Variants in VSTM2A observed in about 807,000 individuals in gnomAD.
VSTM2A encodes V-set and transmembrane domain-containing protein 2A.
Under a neutral mutation model 27.3 loss-of-function variants are expected in VSTM2A, and 13 were observed. The observed-to-expected ratio is 0.48, with a 90% CI of 0.31 to 0.76. The LOEUF (loss-of-function observed/expected upper bound fraction) is 0.76. Ranked by LOEUF, VSTM2A falls within the 30% of genes least tolerant of loss-of-function variation. VSTM2A has a pLI of 0.05. For synonymous variants in VSTM2A, 142 were observed against 125.7 expected, an observed-to-expected ratio of 1.13 and a Z score of -0.87; for missense variants, 280 against 310.0, an observed-to-expected ratio of 0.90 and a Z score of 0.73.
chr7:54,549,892 A>G lies in VSTM2A; in HGVS notation c.356A>G (p.Lys119Arg). The change falls in exon 4 of 5, where the codon AAA becomes AGA. Residue 119 changes from lysine to arginine, a missense_variant. Physicochemically the swap from Lys to Arg is conservative, Grantham distance 26. Coordinates refer to ENST00000402613, the MANE Select transcript of VSTM2A (RefSeq NM_001301009.2). ...AAGCTTCAGATTTCCAAAGTGAGGA[A>G]AAAGGATGAAGGCTTATATGAGTGC... ...SHKLQISKVR[K>R]KDEGLYECRV... The G allele has an allele frequency of 1.2e-6, 2 of 1,612,850 alleles. No individual in the cohort carries two copies. The highest frequency in any genetic ancestry group is 2.2e-5 in the South Asian group (2 of 90,728).
chr7:54,563,707 G>A (rs1054559765), intron 4 of VSTM2A, among the ~76,000 whole-genome samples: 1 of 152,072 alleles, frequency 6.6e-6, no homozygotes, highest in African/African-American at 2.4e-5. Context: ...CCTCAGCTAC[G>A]GTAAGAGCCC....
At chr7:54,551,565 A>T (rs1372972165) in intron 4 of VSTM2A, 1 of 152,210 alleles carries the variant, frequency 6.6e-6, no homozygotes, top group Non-Finnish European at 1.5e-5. Context: ...ATTAAAGGAC[A>T]AACTAGTATA....
Position 54,542,627 on chromosome 7 carries a change from C to A in VSTM2A, c.-104C>A. On this transcript the variant is annotated 5_prime_UTR_variant, in exon 1 of 5. It introduces an in-frame stop codon into an upstream open reading frame of the 5' UTR. Coordinates refer to ENST00000402613, the MANE Select transcript of VSTM2A (RefSeq NM_001301009.2). ...GCAAGCAGCAGGATGTTTGCAGTGT[C>A]GCGCCCAGGGCTCTGAGACTGAGCC... The A allele has an allele frequency of 1.0e-6, 1 of 996,472 alleles. No individual in the cohort carries two copies. The highest frequency in any genetic ancestry group is 1.5e-6 in the Non-Finnish European group (1 of 646,884). 61.7% of individuals were successfully genotyped at this position (996,472 alleles called of 1,614,324 possible). A position where few individuals can be genotyped will look rare whatever the true frequency, so the allele number is the denominator to read the frequency against.
At chr7:54,550,624 C>G (rs1788159567) in intron 4 of VSTM2A, 1 of 170,296 alleles carries the variant, frequency 5.9e-6, no homozygotes, top group Non-Finnish European at 1.2e-5. Context: ...GGACTATTCT[C>G]CAAGGGCTTT....
At chr7:54,542,842 C>CCA in intron 1 of VSTM2A, 33 bp downstream of exon 1, 1 of 1,590,810 alleles carries the variant, frequency 6.3e-7, no homozygotes, top group Non-Finnish European at 8.6e-7. Flanking sequence ...TATACATTTG[C>CCA]TTGCGTGTGT....
chr7:54,562,642 C>T (rs1788598111), intron 4 of VSTM2A, among the ~76,000 whole-genome samples: 1 of 152,154 alleles, frequency 6.6e-6, no homozygotes, highest in African/African-American at 2.4e-5. Context: ...TAATTCAGGG[C>T]AAGCTGTCCT....
In VSTM2A at chr7:54,569,353, T is replaced by TAGCTATCA; in HGVS notation, c.*134_*135insAGCTATCA. On this transcript the variant is annotated 3_prime_UTR_variant, in exon 5 of 5. Transcript: ENST00000402613. The stretch of plus-strand genomic sequence containing the variant: ...ATTAACGTGAAGTGATAGAACGTTT[T>TAGCTATCA]CTAATAGCAAGATCTATTTTTTCCC... The TAGCTATCA allele has an allele frequency of 7.1e-7, 1 of 1,417,938 alleles. No homozygotes were observed. The highest frequency in any genetic ancestry group is 2.6e-5 in the Admixed American group (1 of 38,468). The allele number at this position is 1,417,938 out of a possible 1,614,324, so 87.8% of individuals were successfully genotyped here.
chr7:54,553,166 C>G (rs1174052748), intron 4 of VSTM2A, among the ~76,000 whole-genome samples: 3 of 152,184 alleles, frequency 2.0e-5, no homozygotes, highest in Non-Finnish European at 4.4e-5. Flanking sequence ...TACGGCTAGT[C>G]CCATACCTTT....
At chr7:54,559,742 T>C (rs1410824729) in intron 4 of VSTM2A, 1 of 152,106 alleles carries the variant, frequency 6.6e-6, no homozygotes, top group African/African-American at 2.4e-5. Flanking sequence ...AAAAGGAAAG[T>C]TACCTAGTGA....
At chr7:54,568,179 G>A (rs144112819) in intron 4 of VSTM2A, among the ~76,000 whole-genome samples, 1 of 152,292 alleles carries the variant, frequency 6.6e-6, no homozygotes, top group East Asian at 1.9e-4. Flanking sequence ...TCTACATATA[G>A]TGACTTTTAG....
chr7:54,563,884 C>T (rs910040088), intron 4 of VSTM2A, among the ~76,000 whole-genome samples: 4 of 152,148 alleles, frequency 2.6e-5, no homozygotes, highest in South Asian at 2.1e-4. Flanking sequence ...AAATTGGCAC[C>T]GGACATGTAA....
rs1056869544 is a variant in VSTM2A, at chr7:54,542,739, G to T, written c.9G>T (p.Gly3=). The change falls in exon 1 of 5, where the codon GGG becomes GGT. Residue 3 remains glycine, a synonymous_variant. Transcript: ENST00000402613. MM[G]IFLVYVGFVF... ...CCCCCTCCCTTTTTGGAATGATGGG[G>T]ATCTTTTTGGTGTATGTTGGATTTG... 7 of 1,613,826 alleles carry T rather than the reference G, an allele frequency of 4.3e-6. No homozygotes were observed. The highest frequency in any genetic ancestry group is 5.9e-6 in the Non-Finnish European group (7 of 1,179,810).
chr7:54,556,198 G>T (rs954174136), intron 4 of VSTM2A, among the ~76,000 whole-genome samples: 2 of 152,138 alleles, frequency 1.3e-5, no homozygotes, highest in Non-Finnish European at 2.9e-5. Context: ...ATCAACAGCT[G>T]GTATTTGTAA....
chr7:54,564,297 G>C (rs113818754), intron 4 of VSTM2A, among the ~76,000 whole-genome samples: 2,745 of 152,262 alleles, frequency 0.018, 63 homozygotes, highest in Admixed American at 0.063. Flanking sequence ...GGTGACGAGT[G>C]GGGGTAGAAA....
intron 4 of VSTM2A, among the ~76,000 whole-genome samples, chr7:54,565,150 C>T (rs1037742533): frequency 2.6e-5 from 4 of 152,216 alleles, no homozygotes; most frequent in Non-Finnish European, 4.4e-5. Context: ...AGGTGGTTTC[C>T]GAAAGCGGCA....
At chr7:54,559,207 T>C (rs1005458783) in intron 4 of VSTM2A, 2 of 152,068 alleles carry the variant, frequency 1.3e-5, no homozygotes, top group Non-Finnish European at 2.9e-5. Context: ...GAATCCTCAA[T>C]AGTAGCAACA....
At chr7:54,551,275 T>C (rs985299271) in intron 4 of VSTM2A, 2 of 152,168 alleles carry the variant, frequency 1.3e-5, no homozygotes, top group African/African-American at 4.8e-5. Flanking sequence ...AGTCCTTGCT[T>C]GTGAACAATG....
chr7:54,542,886 C>A (rs1356504594), intron 1 of VSTM2A, 77 bp downstream of exon 1: 3 of 1,361,376 alleles, frequency 2.2e-6, no homozygotes, highest in Admixed American at 3.6e-5. Flanking sequence ...AATGGACAGG[C>A]AGATAGAATA....
chr7:54,543,132 T>A (rs1454163978), intron 1 of VSTM2A, among the ~76,000 whole-genome samples: 1 of 152,112 alleles, frequency 6.6e-6, no homozygotes, highest in Non-Finnish European at 1.5e-5. Context: ...CATGCATACA[T>A]AATCATCGCA....
Sources: gnomAD v4.1 joint callset for allele counts (sites outside exome capture counted in the v4.1 genomes callset) on GRCh38, gnomAD v4.1.1 for gene constraint, MANE v1.5 for transcripts, NCBI Gene and HGNC (gene_info 2026-07-23, HGNC 2026-07-21) for gene names.